NPHP4: variants seen among roughly 807,000 people sequenced by gnomAD.
NPHP4 encodes the protein nephrocystin-4.
Under a neutral mutation model 155.8 loss-of-function variants are expected in NPHP4, and 151 were observed. The ratio of observed to expected loss-of-function variants is 0.97; its 90% CI spans 0.85 to 1.11. The LOEUF (loss-of-function observed/expected upper bound fraction) is 1.11. NPHP4 is among the 50% of genes least tolerant of loss of function. The pLI, the probability that NPHP4 is intolerant of heterozygous loss-of-function variation, is 0.00. For synonymous variants in NPHP4, 845 were observed against 816.8 expected (o/e 1.03, Z -0.59); for missense variants, 1,956 against 1,925.7 (o/e 1.02, Z -0.29).
intron 5 of NPHP4, among the ~76,000 whole-genome samples, chr1:5,963,654 C>A (rs1460206556): frequency 6.6e-6 from 1 of 151,370 alleles, no homozygotes; most frequent in African/African-American, 2.4e-5. Context: ...GAAGGGCGGA[C>A]GCCCACTGCA....
chr1:5,964,941 A>ATATATATATTTTTTTT, intron 5 of NPHP4, among the ~76,000 whole-genome samples: 2 of 59,418 alleles, frequency 3.4e-5, no homozygotes, highest in Non-Finnish European at 5.7e-5. Context: ...ATATATATAT[A>ATATATATATTTTTTTT]TTTTTTTTTT....
At chr1:5,883,012 A>T (rs553369675) in intron 18 of NPHP4, among the ~76,000 whole-genome samples, 4 of 152,354 alleles carry the variant, frequency 2.6e-5, no homozygotes, top group African/African-American at 9.6e-5. Context: ...CAGGAAGAAC[A>T]GGGCTCCCGG....
intron 19 of NPHP4, chr1:5,879,425 C>T (rs553100328): frequency 4.5e-6 from 2 of 446,164 alleles, no homozygotes; most frequent in East Asian, 1.1e-4. Context: ...CCTCTCCAAA[C>T]CAGGTCTTTC....
Position 5,874,330 on chromosome 1 carries a change from G to A in NPHP4, c.3231+141C>T, listed in dbSNP as rs1289863718. Reference sequence around the variant, plus strand: ...GTGTACATGCCAGGGCTCTTGTTGAGCACCAAGGGGAGTGGGCGGCAGCCC... The same window carrying A: ...GTGTACATGCCAGGGCTCTTGTTGAACACCAAGGGGAGTGGGCGGCAGCCC... On this transcript the variant is annotated intron_variant, in intron 22 of 29. Coordinates refer to ENST00000378156, the MANE Select transcript of NPHP4 (RefSeq NM_015102.5). 7.1e-5 allele frequency: 56 copies of A among 785,590 alleles called. 1 individual carries two copies. Among genetic ancestry groups the A allele is most frequent in the East Asian group, 2.0e-4 (7 of 35,122 alleles). 48.7% of individuals were successfully genotyped at this position (785,590 alleles called of 1,614,324 possible). A position where few individuals can be genotyped will look rare whatever the true frequency, so the allele number is the denominator to read the frequency against.
chr1:5,976,863 G>C (rs1653682615), intron 3 of NPHP4, among the ~76,000 whole-genome samples: 1 of 152,166 alleles, frequency 6.6e-6, no homozygotes, highest in African/African-American at 2.4e-5. Context: ...GGCCCTAGGT[G>C]GGGGTGCTGA....
chr1:5,891,104 C>T (rs1644103069), intron 16 of NPHP4, 76 bp from the exon 17 acceptor site: 3 of 1,122,324 alleles, frequency 2.7e-6, no homozygotes, highest in Non-Finnish European at 3.6e-6. Flanking sequence ...GAGATTTCAG[C>T]TCTGGTCATG....
chr1:5,979,332 G>A (rs1032962503), intron 2 of NPHP4, among the ~76,000 whole-genome samples: 1 of 151,986 alleles, frequency 6.6e-6, no homozygotes, highest in Non-Finnish European at 1.5e-5. Flanking sequence ...AGAGGTGGGT[G>A]GGGCGGGGCA....
chr1:5,908,167 AGAG>A (rs1645006060), intron 12 of NPHP4, among the ~76,000 whole-genome samples: 1 of 152,226 alleles, frequency 6.6e-6, no homozygotes, highest in Admixed American at 6.5e-5. Flanking sequence ...TTCAGGGAGC[AGAG>A]GAGATCTTTG....
intron 2 of NPHP4, among the ~76,000 whole-genome samples, chr1:5,979,766 G>A (rs749529870): frequency 2.4e-4 from 37 of 152,008 alleles, no homozygotes; most frequent in Non-Finnish European, 4.9e-4. Flanking sequence ...CGCCCGTCTC[G>A]GCCTCCCAAA....
At chr1:5,875,152 C>T (rs1265268814) in intron 20 of NPHP4, 52 bp from the exon 21 acceptor site, 3 of 1,411,128 alleles carry the variant, frequency 2.1e-6, no homozygotes, top group South Asian at 2.4e-5. Flanking sequence ...CTCTCCTCCA[C>T]AAGGGGCTAT....
At chr1:5,965,849 T>C (rs1282528035) in intron 5 of NPHP4, among the ~76,000 whole-genome samples, 1 of 152,150 alleles carries the variant, frequency 6.6e-6, no homozygotes, top group Non-Finnish European at 1.5e-5. Context: ...CTTCACCTTT[T>C]GACATCAGAG....
Position 5,888,947 on chromosome 1 carries a change from G to C in NPHP4, c.2305-1481C>G, listed in dbSNP as rs201967168. Among the ~76,000 whole-genome samples the C allele has an allele frequency of 3.1e-4, 47 of 152,330 alleles. 2 individuals are homozygous for C. The East Asian group carries it at 7.1e-3, about 23-fold the overall frequency. ...AGCACAAGCCCCGGAGACAGAATTAGGCTAAGACTCTGCCCTGATGATCAT... is the reference window on the plus strand; with the variant it reads ...AGCACAAGCCCCGGAGACAGAATTACGCTAAGACTCTGCCCTGATGATCAT... On this transcript the variant is annotated intron_variant, in intron 17 of 29. Coordinates refer to ENST00000378156, the MANE Select transcript of NPHP4 (RefSeq NM_015102.5).
intron 29 of NPHP4, 66 bp from the exon 30 acceptor site, chr1:5,863,471 C>T (rs1570021496): frequency 2.6e-6 from 4 of 1,563,554 alleles, no homozygotes; most frequent in East Asian, 4.5e-5. Context: ...CCAGCAACCT[C>T]TCTGCATGGT....
At chr1:5,959,695 G>A (rs905992298) in intron 6 of NPHP4, among the ~76,000 whole-genome samples, 4 of 151,928 alleles carry the variant, frequency 2.6e-5, no homozygotes, top group African/African-American at 7.3e-5. Flanking sequence ...TCCACCAGGC[G>A]ACATCTCACA....
chr1:5,962,922 G>A (rs1457424700), intron 5 of NPHP4, among the ~76,000 whole-genome samples: 3 of 152,160 alleles, frequency 2.0e-5, no homozygotes, highest in African/African-American at 7.2e-5. Context: ...TCTTGCTCGG[G>A]CCTGATTTTC....
At chr1:5,943,399 T>G (rs755359281) in intron 9 of NPHP4, among the ~76,000 whole-genome samples, 1 of 152,178 alleles carries the variant, frequency 6.6e-6, no homozygotes, top group African/African-American at 2.4e-5. Flanking sequence ...TCAGCCCAGG[T>G]AGCCTCCTCG....
In NPHP4 at chr1:5,887,331, G is replaced by C. The variant is rs751942698; in HGVS notation, c.2440C>G (p.His814Asp). The C allele has an allele frequency of 1.5e-5, 25 of 1,613,446 alleles. No homozygotes were observed. Among genetic ancestry groups the C allele is most frequent in the Non-Finnish European group, 2.1e-5 (25 of 1,179,884 alleles). ...TGCAGCCGGCCCTTCACCACCGAGT[G>C]GACGCCGATGGGCTTGACGCGGCCA... is the stretch of plus-strand genomic sequence containing the variant. ...GFGRVKPIGV[H>D]SVVKGRLHLT... Residue 814 changes from histidine to aspartate, a missense_variant, in exon 18 of 30, where the codon CAC becomes GAC. Coordinates refer to ENST00000378156, the MANE Select transcript of NPHP4 (RefSeq NM_015102.5).
At position 5,948,202 on chromosome 1, in the gene NPHP4, A is replaced by G; in HGVS notation, c.860T>C (p.Leu287Pro). Reference sequence around the variant, plus strand: ...CAGACCATTGTGCACGCCCACACGCAGGCGCCGCTCCAGGATCTCCAGGGC... The same window carrying G: ...CAGACCATTGTGCACGCCCACACGCGGGCGCCGCTCCAGGATCTCCAGGGC... ...GGALEILERRLRVGVHNGLGF... is the reference protein window; with the variant it reads ...GGALEILERRPRVGVHNGLGF... Residue 287 changes from leucine (L) to proline (P), a missense_variant, in exon 8 of 30, where the codon CTG (leucine) becomes CCG (proline). Leu to Pro is a moderately conservative substitution (Grantham distance 98, BLOSUM62 -3). Coordinates refer to ENST00000378156, the MANE Select transcript of NPHP4 (RefSeq NM_015102.5). 6.2e-7 allele frequency: 1 copy of G among 1,605,366 alleles called. No homozygotes were observed. Among genetic ancestry groups the G allele is most frequent in the Non-Finnish European group, 8.5e-7 (1 of 1,177,248 alleles).
chr1:5,895,525 A>C (rs1644352226), intron 16 of NPHP4, among the ~76,000 whole-genome samples: 2 of 152,050 alleles, frequency 1.3e-5, no homozygotes, highest in African/African-American at 2.4e-5. Context: ...AAAACACAAC[A>C]AAAAAACTGC....
Sources: gnomAD v4.1 joint callset for allele counts (sites outside exome capture counted in the v4.1 genomes callset) on GRCh38, gnomAD v4.1.1 for gene constraint, MANE v1.5 for transcripts, NCBI Gene and HGNC (gene_info 2026-07-23, HGNC 2026-07-21) for gene names.